SHLD2: variants seen among roughly 807,000 people sequenced by gnomAD.
SHLD2 encodes the protein shieldin complex subunit 2.
SHLD2 carries 30 observed loss-of-function variants against 73.2 expected under a neutral mutation model. The ratio of observed to expected loss-of-function variants is 0.41; its 90% CI spans 0.31 to 0.56. The LOEUF is 0.56. Among genes scored for constraint, SHLD2 ranks in the 20% least tolerant of loss-of-function variants. The probability of loss-of-function intolerance (pLI) is 0.28; values close to 1 mark genes in which losing one functional copy is unlikely to be tolerated. For synonymous variants in SHLD2, 285 were observed against 370.1 expected, an observed-to-expected ratio of 0.77 and a Z score of 2.64; for missense variants, 745 against 1,055.9, an observed-to-expected ratio of 0.71 and a Z score of 4.08.
intron 2 of SHLD2, among the ~76,000 whole-genome samples, chr10:87,147,069 A>C (rs1355965038): frequency 2.1e-5 from 3 of 146,076 alleles, no homozygotes; most frequent in Non-Finnish European, 3.0e-5. Context: ...AAAAAAAAAA[A>C]AAGAAAAAAA....
chr10:87,148,387 G>A (rs561929437), intron 2 of SHLD2, among the ~76,000 whole-genome samples: 4 of 152,288 alleles, frequency 2.6e-5, no homozygotes, highest in African/African-American at 4.8e-5. Flanking sequence ...AGAAAAGAGG[G>A]ATTGATAAAC....
Position 87,180,304 on chromosome 10 carries a change from G to T in SHLD2, c.2399+1G>T, listed in dbSNP as rs1307739843. 6.2e-7 allele frequency: 1 copy of T among 1,601,490 alleles called. No homozygotes were observed. Among genetic ancestry groups the T allele is most frequent in the Non-Finnish European group, 8.5e-7 (1 of 1,172,588 alleles). ...TTACTATGAAGAAAATATATTATAG[G>T]TAAGGCAACTAAGCAAGCCAATTTG... On this transcript the variant is annotated splice_donor_variant, in intron 8 of 9. Coordinates refer to ENST00000298786, the MANE Select transcript of SHLD2 (RefSeq NM_001330112.2). LOFTEE classifies it high-confidence loss of function.
rs557266282 is a variant in SHLD2, at chr10:87,164,045, C to T, written c.1633+5890C>T. On this transcript the variant is annotated intron_variant, in intron 4 of 9. Coordinates refer to ENST00000298786, the MANE Select transcript of SHLD2 (RefSeq NM_001330112.2). The stretch of plus-strand genomic sequence containing the variant: ...TGATCTTAGCTCACTGCAACCTCTG[C>T]CTCCTGGGTTCGAGCAATTCTCCTG... 4.2e-4 allele frequency among the ~76,000 whole-genome samples: 64 copies of T among 151,586 alleles called. 1 individual carries two copies. In the East Asian group the frequency reaches 0.012, roughly 29 times the overall value.
chr10:87,120,250 A>ATTTTTTTT (rs1169348965), intron 2 of SHLD2, among the ~76,000 whole-genome samples: 1 of 148,356 alleles, frequency 6.7e-6, no homozygotes, highest in African/African-American at 2.6e-5. Flanking sequence ...TTATTTATTT[A>ATTTTTTTT]TTTATTTATT....
At chr10:87,153,898 T>C (rs1846189506) in intron 3 of SHLD2, 1 of 152,178 alleles carries the variant, frequency 6.6e-6, no homozygotes, top group African/African-American at 2.4e-5. Flanking sequence ...TTTTGTTTTT[T>C]TAATTTTTAA....
At chr10:87,124,100 G>C (rs1258540424) in intron 2 of SHLD2, among the ~76,000 whole-genome samples, 2 of 151,976 alleles carry the variant, frequency 1.3e-5, no homozygotes, top group Non-Finnish European at 1.5e-5. Flanking sequence ...CTGAAATAAT[G>C]CATGTTTTTG....
chr10:87,130,913 A>C (rs1487015144), intron 2 of SHLD2, among the ~76,000 whole-genome samples: 1 of 152,066 alleles, frequency 6.6e-6, no homozygotes, highest in Non-Finnish European at 1.5e-5. Context: ...TCTACTATAG[A>C]AAAATTAACC....
chr10:87,183,511 T>C (rs1452735388), intron 8 of SHLD2, among the ~76,000 whole-genome samples: 1 of 152,196 alleles, frequency 6.6e-6, no homozygotes, highest in East Asian at 1.9e-4. Flanking sequence ...CATATTTCTT[T>C]TATTAAAAAA....
intron 2 of SHLD2, among the ~76,000 whole-genome samples, chr10:87,100,854 A>G (rs1255281935): frequency 6.6e-6 from 1 of 152,086 alleles, no homozygotes; most frequent in Admixed American, 6.6e-5. Context: ...AAGATTGGTT[A>G]TTCTATCTCC....
At chr10:87,112,921 A>G (rs11202333) in intron 2 of SHLD2, among the ~76,000 whole-genome samples, 1 of 152,302 alleles carries the variant, frequency 6.6e-6, no homozygotes, top group East Asian at 1.9e-4. Context: ...AAGAGAAATG[A>G]CTACATATGT....
At chr10:87,146,380 A>T (rs1589556840) in intron 2 of SHLD2, among the ~76,000 whole-genome samples, 1 of 151,588 alleles carries the variant, frequency 6.6e-6, no homozygotes. Flanking sequence ...TGCAACCTCC[A>T]CCTCCTGGGT....
intron 2 of SHLD2, among the ~76,000 whole-genome samples, chr10:87,120,262 T>TTTATTTA (rs1564583628): frequency 5.5e-5 from 6 of 109,780 alleles, no homozygotes; most frequent in East Asian, 4.6e-4. Flanking sequence ...TTATTTATTT[T>TTTATTTA]TTTGAGACAG....
chr10:87,157,698 A>G (rs1846530343), intron 3 of SHLD2, among the ~76,000 whole-genome samples: 1 of 152,352 alleles, frequency 6.6e-6, no homozygotes, highest in South Asian at 2.1e-4. Context: ...CGGCTTTGGA[A>G]CCACTACTTT....
intron 9 of SHLD2, among the ~76,000 whole-genome samples, chr10:87,189,786 T>C (rs868497452): frequency 2.0e-5 from 3 of 151,970 alleles, no homozygotes; most frequent in Admixed American, 6.6e-5. Flanking sequence ...AGCTATACTT[T>C]TAGTATTTTT....
intron 4 of SHLD2, among the ~76,000 whole-genome samples, chr10:87,170,114 A>T (rs1348206973): frequency 1.3e-5 from 2 of 152,226 alleles, no homozygotes; most frequent in Non-Finnish European, 2.9e-5. Context: ...GGATCAAATC[A>T]GACTCCAGGG....
At chr10:87,189,064 C>T (rs1442879313) in intron 9 of SHLD2, among the ~76,000 whole-genome samples, 3 of 146,258 alleles carry the variant, frequency 2.1e-5, no homozygotes, top group Non-Finnish European at 4.5e-5. Flanking sequence ...TGCTGTGGTG[C>T]GATCTCAGTT....
chr10:87,129,057 C>T (rs1034994348), intron 2 of SHLD2, among the ~76,000 whole-genome samples: 42 of 151,962 alleles, frequency 2.8e-4, no homozygotes, highest in Non-Finnish European at 4.7e-4. Context: ...AGGCGTGCAT[C>T]ACCACGCCAA....
chr10:87,095,468 T>C (rs961661202), intron 1 of SHLD2, among the ~76,000 whole-genome samples: 2 of 151,992 alleles, frequency 1.3e-5, no homozygotes, highest in African/African-American at 4.8e-5. Flanking sequence ...GCCTGTCCTC[T>C]GGCGGCCTCA....
intron 8 of SHLD2, among the ~76,000 whole-genome samples, chr10:87,186,236 G>C (rs1336060604): frequency 6.6e-6 from 1 of 152,062 alleles, no homozygotes; most frequent in East Asian, 1.9e-4. Context: ...GGTTTTTAGG[G>C]GGAAAATCAG....
Sources: gnomAD v4.1 joint callset for allele counts (sites outside exome capture counted in the v4.1 genomes callset) on GRCh38, gnomAD v4.1.1 for gene constraint, MANE v1.5 for transcripts, NCBI Gene and HGNC (gene_info 2026-07-23, HGNC 2026-07-21) for gene names.